KCNIP4: variants seen among roughly 807,000 people sequenced by gnomAD.
KCNIP4 encodes the protein potassium voltage-gated channel interacting protein 4, also known as Kv channel-interacting protein 4.
In KCNIP4, 12 loss-of-function variants were observed where a neutral mutation model predicts 34.0. That is an observed-to-expected ratio of 0.35 (90% confidence interval 0.23 to 0.57). KCNIP4 has a LOEUF of 0.57. Among genes scored for constraint, KCNIP4 ranks in the 20% least tolerant of loss-of-function variants. The pLI, the probability that KCNIP4 is intolerant of heterozygous loss-of-function variation, is 0.83. For missense variants in KCNIP4, 238 were observed against 311.7 expected, an observed-to-expected ratio of 0.76 and a Z score of 1.78; for synonymous variants, 124 against 102.2, an observed-to-expected ratio of 1.21 and a Z score of -1.29.
chr4:21,298,296 A>G (rs1763958853), intron 1 of KCNIP4, among the ~76,000 whole-genome samples: 1 of 152,064 alleles, frequency 6.6e-6, no homozygotes, highest in Admixed American at 6.6e-5. Context: ...GTTGATGACC[A>G]TCTTCATCAA....
chr4:21,075,854 C>A (rs1384539893), intron 1 of KCNIP4, among the ~76,000 whole-genome samples: 6 of 152,118 alleles, frequency 3.9e-5, no homozygotes, highest in Non-Finnish European at 8.8e-5. Flanking sequence ...AATCTCTCAG[C>A]ATTTGCTTGT....
At chr4:21,867,352 G>A (rs1473433546) in intron 1 of KCNIP4, among the ~76,000 whole-genome samples, 1 of 152,142 alleles carries the variant, frequency 6.6e-6, no homozygotes, top group East Asian at 1.9e-4. Context: ...AGGGGGTGGG[G>A]TGCTGTAGAA....
intron 1 of KCNIP4, among the ~76,000 whole-genome samples, chr4:21,189,339 G>A (rs559928339): frequency 2.0e-5 from 3 of 152,168 alleles, no homozygotes; most frequent in African/African-American, 4.8e-5. Context: ...TACACATCCA[G>A]CTCCTGGTCC....
intron 1 of KCNIP4, among the ~76,000 whole-genome samples, chr4:21,240,173 A>G (rs1174357391): frequency 7.3e-6 from 1 of 136,880 alleles, no homozygotes; most frequent in Non-Finnish European, 1.5e-5. Flanking sequence ...GAACTGAACA[A>G]TGAGAACACA....
intron 1 of KCNIP4, among the ~76,000 whole-genome samples, chr4:21,089,157 A>G (rs1164875899): frequency 6.6e-6 from 1 of 152,152 alleles, no homozygotes; most frequent in Non-Finnish European, 1.5e-5. Flanking sequence ...CTTGGATTGT[A>G]TTCTCCAATG....
At chr4:21,494,251 T>C (rs962563357) in intron 1 of KCNIP4, among the ~76,000 whole-genome samples, 3 of 152,154 alleles carry the variant, frequency 2.0e-5, no homozygotes, top group African/African-American at 4.8e-5. Context: ...TGAGTGTTAG[T>C]GTTGGCTATA....
At chr4:21,712,918 AG>A (rs1368338452) in intron 1 of KCNIP4, among the ~76,000 whole-genome samples, 1 of 152,202 alleles carries the variant, frequency 6.6e-6, no homozygotes, top group Non-Finnish European at 1.5e-5. Context: ...TGGAAAGATG[AG>A]GACCATCTTC....
chr4:21,388,009 G>A (rs188290712), intron 1 of KCNIP4, among the ~76,000 whole-genome samples: 3 of 151,944 alleles, frequency 2.0e-5, no homozygotes, highest in Admixed American at 6.6e-5. Flanking sequence ...TCTCTGGGAC[G>A]GGATGAAAGG....
chr4:20,845,792 C>T lies in KCNIP4; in HGVS notation c.288+4751G>A, dbSNP rs988292233. ...GGGCTGCGTGGCCCTACATTGACAG[C>T]CAGCAAGAGGGGAATTTCATATGTG... On this transcript the variant is annotated intron_variant, in intron 3 of 8. Transcript: ENST00000382152. Among the ~76,000 whole-genome samples, 9 of 152,202 alleles carry T rather than the reference C, an allele frequency of 5.9e-5. 1 individual carries two copies. The highest frequency in any genetic ancestry group is 5.9e-4 in the Admixed American group (9 of 15,278).
At chr4:21,630,858 T>C (rs906089205) in intron 1 of KCNIP4, among the ~76,000 whole-genome samples, 3 of 152,176 alleles carry the variant, frequency 2.0e-5, no homozygotes, top group African/African-American at 7.2e-5. Flanking sequence ...CCTAATGTAT[T>C]GAGTAACATG....
chr4:21,825,533 T>C (rs1171632064), intron 1 of KCNIP4, among the ~76,000 whole-genome samples: 1 of 152,128 alleles, frequency 6.6e-6, no homozygotes. Context: ...TTTATTACAC[T>C]CAAAGGATAA....
chr4:21,891,071 G>A (rs1727065112), intron 1 of KCNIP4, among the ~76,000 whole-genome samples: 1 of 152,088 alleles, frequency 6.6e-6, no homozygotes, highest in Non-Finnish European at 1.5e-5. Flanking sequence ...TGTGTTCCAA[G>A]GGACGGGCTG....
chr4:21,470,972 C>T (rs1005202519), intron 1 of KCNIP4, among the ~76,000 whole-genome samples: 5 of 152,110 alleles, frequency 3.3e-5, no homozygotes, highest in African/African-American at 1.2e-4. Context: ...GCTCTTGGAT[C>T]AGCAGCATCA....
chr4:20,744,332 C>G (rs959823464), intron 5 of KCNIP4, among the ~76,000 whole-genome samples: 2 of 152,174 alleles, frequency 1.3e-5, no homozygotes, highest in African/African-American at 2.4e-5. Flanking sequence ...CGGCACTATT[C>G]ACAGTAGCAA....
chr4:21,734,024 G>A (rs1715804900), intron 1 of KCNIP4, among the ~76,000 whole-genome samples: 1 of 152,132 alleles, frequency 6.6e-6, no homozygotes, highest in Non-Finnish European at 1.5e-5. Flanking sequence ...ATCAGAGACT[G>A]GGGCTGTGAC....
chr4:20,852,896 A>T (rs1406865770), intron 2 of KCNIP4, among the ~76,000 whole-genome samples: 2 of 152,184 alleles, frequency 1.3e-5, no homozygotes, highest in Non-Finnish European at 2.9e-5. Context: ...AATATAAAAT[A>T]CTTAGGAATA....
At chr4:21,269,034 G>A (rs550097750) in intron 1 of KCNIP4, among the ~76,000 whole-genome samples, 1 of 152,274 alleles carries the variant, frequency 6.6e-6, no homozygotes, top group East Asian at 1.9e-4. Flanking sequence ...GTATGTCAAG[G>A]GGTTAAGCCA....
At chr4:21,028,590 C>T (rs895711972) in intron 1 of KCNIP4, among the ~76,000 whole-genome samples, 6 of 152,158 alleles carry the variant, frequency 3.9e-5, no homozygotes, top group African/African-American at 1.4e-4. Flanking sequence ...CATTGCCTCC[C>T]ACACTCTCTT....
chr4:21,470,652 T>C, intron 1 of KCNIP4, among the ~76,000 whole-genome samples: 1 of 151,874 alleles, frequency 6.6e-6, no homozygotes, highest in East Asian at 1.9e-4. Flanking sequence ...TGAAGAAGCA[T>C]ATGAAAAAAT....
Sources: gnomAD v4.1 joint callset for allele counts (sites outside exome capture counted in the v4.1 genomes callset) on GRCh38, gnomAD v4.1.1 for gene constraint, MANE v1.5 for transcripts, NCBI Gene and HGNC (gene_info 2026-07-23, HGNC 2026-07-21) for gene names.